DCDC2: variants seen among roughly 807,000 people sequenced by gnomAD.
The protein encoded by DCDC2 is doublecortin domain containing 2.
A neutral mutation model predicts 50.2 loss-of-function variants in DCDC2; 40 were observed. The observed-to-expected ratio is 0.80, with a 90% confidence interval of 0.62 to 1.04. DCDC2 has a LOEUF of 1.04. Ranked by LOEUF, DCDC2 falls within the 50% of genes least tolerant of loss-of-function variation. The pLI, the probability that DCDC2 is intolerant of heterozygous loss-of-function variation, is 0.00. For missense variants in DCDC2, 570 were observed against 581.9 expected, an observed-to-expected ratio of 0.98 and a Z score of 0.21; for synonymous variants, 234 against 210.6, an observed-to-expected ratio of 1.11 and a Z score of -0.96.
Position 24,171,774 on chromosome 6 carries a change from CTTT to C in DCDC2, c.*2953_*2955del, listed in dbSNP as rs976458445. On this transcript the variant is annotated 3_prime_UTR_variant, in exon 10 of 10. Transcript: ENST00000378454. ...TCAAAATGACTTTTGTCAAAATCTT[CTTT>C]ATTTGCTCTGTAAAACTCTTAATGC... The C allele has an allele frequency of 1.3e-5, 2 of 152,172 alleles. No homozygotes were observed. The highest frequency in any genetic ancestry group is 4.8e-5 in the African/African-American group (2 of 41,450). The allele number at this position is 152,172 out of a possible 1,614,324, so 9.4% of individuals were successfully genotyped here.
At chr6:24,360,091 T>C (rs1760639726), upstream of DCDC2, among the ~76,000 whole-genome samples, 3 of 152,326 alleles carry the variant, frequency 2.0e-5, no homozygotes, top group South Asian at 6.2e-4. Context: ...TTCCTCCAGC[T>C]GCTGTTACCT....
Position 24,301,171 on chromosome 6 carries a change from C to A in DCDC2, c.557+544G>T, listed in dbSNP as rs182595390. ...CGGATCACGAGGTCAGGAGATCGAG[C>A]CCATCCTGGCTAACATGGAGAAACC... On this transcript the variant is annotated intron_variant, in intron 4 of 9. Transcript: ENST00000378454. 8.5e-3 allele frequency among the ~76,000 whole-genome samples: 1,282 copies of A among 151,634 alleles called. 6 individuals are homozygous for A. Among genetic ancestry groups the A allele is most frequent in the African/African-American group, 0.013 (554 of 41,378 alleles).
intron 6 of DCDC2, among the ~76,000 whole-genome samples, chr6:24,279,977 T>C (rs1763436752): frequency 6.6e-6 from 1 of 152,230 alleles, no homozygotes; most frequent in Non-Finnish European, 1.5e-5. Context: ...TTAAAAATCA[T>C]ATCAAACTCA....
At chr6:24,328,698 T>C (rs2127237663) in intron 2 of DCDC2, among the ~76,000 whole-genome samples, 1 of 152,302 alleles carries the variant, frequency 6.6e-6, no homozygotes, top group Non-Finnish European at 1.5e-5. Context: ...CCACCTCCTC[T>C]CTGAAGTGTC....
chr6:24,204,640 G>A (rs1460298475), intron 8 of DCDC2, among the ~76,000 whole-genome samples: 1 of 152,100 alleles, frequency 6.6e-6, no homozygotes, highest in Non-Finnish European at 1.5e-5. Context: ...TTTTAAAAAT[G>A]CTTTTCTAAG....
At chr6:24,190,800 A>T (rs144352946) in intron 8 of DCDC2, among the ~76,000 whole-genome samples, 1 of 152,364 alleles carries the variant, frequency 6.6e-6, no homozygotes, top group Non-Finnish European at 1.5e-5. Flanking sequence ...ATATGATTCA[A>T]TAAGAGTATA....
chr6:24,347,698 T>A (rs1410797229), intron 2 of DCDC2, among the ~76,000 whole-genome samples: 1 of 152,208 alleles, frequency 6.6e-6, no homozygotes, highest in Non-Finnish European at 1.5e-5. Flanking sequence ...CTGAGTATAC[T>A]GAAGGATAAC....
At chr6:24,358,512 T>TAAAAAAAAAAAAAAAAAAAAAA (rs966038766), upstream of DCDC2, among the ~76,000 whole-genome samples, 10 of 75,910 alleles carry the variant, frequency 1.3e-4, no homozygotes, top group African/African-American at 5.3e-4. Flanking sequence ...TCTCTACAAT[T>TAAAAAAAAAAAAAAAAAAAAAA]AAAAAAAAAA....
rs905200941 is a variant in DCDC2 at position 24,357,312 on chromosome 6, C to G, written c.293+146G>C. ...GTCAACCTCTACCCCCCAACTGCAA[C>G]GAGAGTTTTGAGGGGCATCAATCAC... On this transcript the variant is annotated intron_variant, in intron 1 of 9. Coordinates refer to ENST00000378454, the MANE Select transcript of DCDC2 (RefSeq NM_016356.5). The G allele has an allele frequency of 6.4e-6, 6 of 943,176 alleles. No homozygotes were observed. The Admixed American group carries it at 1.2e-4, about 20-fold the overall frequency. The allele number at this position is 943,176 out of a possible 1,614,324, so 58.4% of individuals were successfully genotyped here. A position where few individuals can be genotyped will look rare whatever the true frequency, so the allele number is the denominator to read the frequency against.
Position 24,174,531 on chromosome 6 carries a change from T to C in DCDC2, c.*199A>G. The C allele has an allele frequency of 2.4e-6, 1 of 414,790 alleles. No individual in the cohort carries two copies. Among genetic ancestry groups the C allele is most frequent in the South Asian group, 6.1e-5 (1 of 16,270 alleles). 25.7% of individuals were successfully genotyped at this position (414,790 alleles called of 1,614,324 possible). Reference sequence around the variant, plus strand: ...ATTTCTATATGACTTTTAAAACACATGCAATAAAAGTAAGTAATTATCCTT... The same window carrying C: ...ATTTCTATATGACTTTTAAAACACACGCAATAAAAGTAAGTAATTATCCTT... On this transcript the variant is annotated 3_prime_UTR_variant, in exon 10 of 10. Coordinates refer to ENST00000378454, the MANE Select transcript of DCDC2 (RefSeq NM_016356.5).
upstream of DCDC2, chr6:24,358,201 A>G: frequency 2.9e-6 from 1 of 347,580 alleles, no homozygotes. Context: ...CTTTCCAAAC[A>G]GCCTAATTTT....
intron 8 of DCDC2, among the ~76,000 whole-genome samples, chr6:24,178,856 T>C (rs1581569229): frequency 1.3e-5 from 2 of 152,158 alleles, no homozygotes; most frequent in African/African-American, 4.8e-5. Flanking sequence ...TTTGAAATTG[T>C]TATCATTCCC....
intron 9 of DCDC2, among the ~76,000 whole-genome samples, chr6:24,176,840 C>T (rs909903800): frequency 1.3e-5 from 2 of 152,210 alleles, no homozygotes; most frequent in Non-Finnish European, 2.9e-5. Flanking sequence ...TTAGATTACA[C>T]ATATAAGTGA....
chr6:24,219,186 T>C (rs1176810162), intron 7 of DCDC2, among the ~76,000 whole-genome samples: 1 of 152,216 alleles, frequency 6.6e-6, no homozygotes, highest in African/African-American at 2.4e-5. Flanking sequence ...ATATCTGTTT[T>C]AGGATAAGTG....
At chr6:24,306,497 GATA>G (rs1759475379) in intron 2 of DCDC2, among the ~76,000 whole-genome samples, 6 of 68,156 alleles carry the variant, frequency 8.8e-5, no homozygotes, top group African/African-American at 3.2e-4. Context: ...GTGGAGATTA[GATA>G]GATAGATAGA....
intron 8 of DCDC2, among the ~76,000 whole-genome samples, chr6:24,200,562 T>C (rs1761561854): frequency 6.6e-6 from 1 of 152,068 alleles, no homozygotes; most frequent in Non-Finnish European, 1.5e-5. Flanking sequence ...ACATACCAAA[T>C]TGTAAAGACC....
chr6:24,253,566 G>A (rs7763413), intron 7 of DCDC2, among the ~76,000 whole-genome samples: 6,615 of 152,258 alleles, frequency 0.043, 229 homozygotes, highest in African/African-American at 0.097. Flanking sequence ...CACCTAGGGT[G>A]TGTGCTATAG....
intron 8 of DCDC2, among the ~76,000 whole-genome samples, chr6:24,198,173 G>A (rs1215072741): frequency 6.6e-6 from 1 of 152,124 alleles, no homozygotes. Flanking sequence ...GGACCCTAAA[G>A]GCAAGAATAT....
chr6:24,216,519 A>C (rs1241070518), intron 7 of DCDC2, among the ~76,000 whole-genome samples: 1 of 152,232 alleles, frequency 6.6e-6, no homozygotes, highest in Non-Finnish European at 1.5e-5. Flanking sequence ...TGAATTAGTG[A>C]AGACAAGCAG....
Sources: gnomAD v4.1 joint callset for allele counts (sites outside exome capture counted in the v4.1 genomes callset) on GRCh38, gnomAD v4.1.1 for gene constraint, MANE v1.5 for transcripts, NCBI Gene and HGNC (gene_info 2026-07-23, HGNC 2026-07-21) for gene names.